Variants in ATE1 observed in about 807,000 individuals in gnomAD.
ATE1 encodes arginyl-tRNA--protein transferase 1.
In ATE1, 36 loss-of-function variants were observed where a neutral mutation model predicts 70.5. The ratio of observed to expected loss-of-function variants is 0.51; its 90% CI spans 0.39 to 0.67. The LOEUF (loss-of-function observed/expected upper bound fraction) is 0.67, where lower values mean the gene tolerates loss of function less well. ATE1 is among the 30% of genes least tolerant of loss of function. The probability of loss-of-function intolerance (pLI) is 0.00; values close to 1 mark genes in which losing one functional copy is unlikely to be tolerated. For missense variants in ATE1, 593 were observed against 629.5 expected (o/e 0.94, Z 0.62); for synonymous variants, 232 against 219.3 (o/e 1.06, Z -0.51).
intron 8 of ATE1, among the ~76,000 whole-genome samples, chr10:121,856,076 CAAAA>C (rs34106606): frequency 3.2e-5 from 4 of 125,784 alleles, no homozygotes; most frequent in Non-Finnish European, 1.7e-5. Flanking sequence ...AACTATATCT[CAAAA>C]AAAAAAAAAA....
intron 8 of ATE1, among the ~76,000 whole-genome samples, chr10:121,852,927 C>T (rs1949109045): frequency 6.6e-6 from 1 of 152,048 alleles, no homozygotes; most frequent in Non-Finnish European, 1.5e-5. Flanking sequence ...CAACAGATTC[C>T]TAATTTTCTG....
chr10:121,866,396 A>C (rs796390473), intron 8 of ATE1, among the ~76,000 whole-genome samples: 84 of 152,362 alleles, frequency 5.5e-4, no homozygotes, highest in African/African-American at 1.9e-3. Context: ...AAAGATAATT[A>C]ACCAAGGTAA....
At chr10:121,764,534 A>G (rs1945196808) in intron 11 of ATE1, among the ~76,000 whole-genome samples, 1 of 151,960 alleles carries the variant, frequency 6.6e-6, no homozygotes, top group African/African-American at 2.4e-5. Flanking sequence ...AACAATGGGG[A>G]ATGATTTTCA....
intron 8 of ATE1, among the ~76,000 whole-genome samples, chr10:121,856,355 TC>T (rs1949249928): frequency 6.7e-6 from 1 of 150,092 alleles, no homozygotes; most frequent in South Asian, 2.1e-4. Flanking sequence ...AAAGAAGAAA[TC>T]CCGTCTCTAC....
chr10:121,906,871 T>A lies in ATE1; in HGVS notation c.583+4035A>T, dbSNP rs185374224. Among the ~76,000 whole-genome samples, 6 of 152,242 alleles carry A rather than the reference T, an allele frequency of 3.9e-5. No homozygotes were observed. In the East Asian group the frequency reaches 1.2e-3, roughly 30 times the overall value. The stretch of plus-strand genomic sequence containing the variant: ...GTCTCGGCCTCCCAAAGTGTGGGAT[T>A]ACAGGTGTGAGCCACTGAGCCCGGC... On this transcript the variant is annotated intron_variant, in intron 5 of 11. Coordinates refer to ENST00000224652, the MANE Select transcript of ATE1 (RefSeq NM_001001976.3).
chr10:121,752,403 G>A (rs1435307630), intron 11 of ATE1, among the ~76,000 whole-genome samples: 1 of 151,298 alleles, frequency 6.6e-6, no homozygotes, highest in East Asian at 2.0e-4. Context: ...GCTAATTTTT[G>A]TATTTTTAGT....
At chr10:121,918,258 G>A (rs1488357772) in intron 3 of ATE1, among the ~76,000 whole-genome samples, 1 of 151,932 alleles carries the variant, frequency 6.6e-6, no homozygotes, top group Non-Finnish European at 1.5e-5. Context: ...ACTTGAACCT[G>A]GGAGGCGGAG....
At chr10:121,778,606 C>G (rs1945846733) in intron 11 of ATE1, among the ~76,000 whole-genome samples, 1 of 119,840 alleles carries the variant, frequency 8.3e-6, no homozygotes, top group South Asian at 2.8e-4. Flanking sequence ...AGACATTGTC[C>G]TGCTCTGTCG....
At chr10:121,846,121 T>C (rs1044289940) in intron 8 of ATE1, among the ~76,000 whole-genome samples, 14 of 96,830 alleles carry the variant, frequency 1.4e-4, no homozygotes, top group Admixed American at 4.4e-4. Flanking sequence ...AAAGTAGCAC[T>C]ATTCAAAAAA....
chr10:121,871,870 T>G (rs1392978748), intron 7 of ATE1, among the ~76,000 whole-genome samples: 1 of 152,226 alleles, frequency 6.6e-6, no homozygotes, highest in East Asian at 1.9e-4. Context: ...ATTTTAAGTC[T>G]TCTTAATGCT....
intron 4 of ATE1, among the ~76,000 whole-genome samples, chr10:121,913,063 TA>T (rs1229090264): frequency 6.6e-6 from 1 of 152,134 alleles, no homozygotes; most frequent in Non-Finnish European, 1.5e-5. Flanking sequence ...GTATTTTTAG[TA>T]GAGACAGGGT....
intron 10 of ATE1, among the ~76,000 whole-genome samples, chr10:121,818,962 A>G (rs1247918116): frequency 1.3e-5 from 2 of 152,192 alleles, no homozygotes; most frequent in African/African-American, 4.8e-5. Flanking sequence ...AAATCAAGAA[A>G]CCGAACTTGA....
At chr10:121,791,032 ATATATGTGTATATATATG>A in intron 10 of ATE1, among the ~76,000 whole-genome samples, 1 of 149,356 alleles carries the variant, frequency 6.7e-6, no homozygotes, top group East Asian at 2.0e-4. Flanking sequence ...GTATATATGT[ATATATGTGTATATATATG>A]TATACGTGTG....
intron 7 of ATE1, among the ~76,000 whole-genome samples, chr10:121,876,304 G>A (rs142969313): frequency 1.3e-5 from 2 of 152,248 alleles, no homozygotes; most frequent in East Asian, 3.9e-4. Context: ...TGATTTCAAA[G>A]TTTGCTAACA....
chr10:121,891,761 G>A (rs1950586989), intron 7 of ATE1, among the ~76,000 whole-genome samples: 1 of 152,124 alleles, frequency 6.6e-6, no homozygotes. Context: ...ATGCACTAAT[G>A]TGGTTGGTTA....
chr10:121,876,941 G>A (rs1164137217), intron 7 of ATE1, among the ~76,000 whole-genome samples: 4 of 150,834 alleles, frequency 2.7e-5, no homozygotes. Context: ...ACTCCAGCCT[G>A]GGCCACAGAG....
At chr10:121,791,096 A>ATATATATT (rs764780341) in intron 10 of ATE1, among the ~76,000 whole-genome samples, 1 of 94,424 alleles carries the variant, frequency 1.1e-5, no homozygotes, top group Non-Finnish European at 2.0e-5. Context: ...GTGTATATAT[A>ATATATATT]TTTTTTTTTT....
intron 11 of ATE1, among the ~76,000 whole-genome samples, chr10:121,762,859 T>C (rs915529575): frequency 3.9e-4 from 60 of 152,252 alleles, no homozygotes; most frequent in Admixed American, 3.8e-3. Context: ...AATTTGGTCA[T>C]ACTTTTGTGA....
chr10:121,777,285 T>G (rs1299700549), intron 11 of ATE1, among the ~76,000 whole-genome samples: 1 of 152,238 alleles, frequency 6.6e-6, no homozygotes, highest in East Asian at 1.9e-4. Context: ...GTATTAGGTA[T>G]AAATAATGTT....
Sources: allele counts gnomAD v4.1 joint callset (sites outside exome capture counted in the v4.1 genomes callset), GRCh38; gene constraint gnomAD v4.1.1; transcripts MANE v1.5; gene names NCBI Gene and HGNC (gene_info 2026-07-23, HGNC 2026-07-21).